Variants in GLT6D1 observed in about 807,000 individuals in gnomAD.
GLT6D1 encodes glycosyltransferase 6 domain containing 1.
In GLT6D1, 9 loss-of-function variants were observed where a neutral mutation model predicts 12.3. That is an observed-to-expected ratio of 0.73 (90% confidence interval 0.44 to 1.27). The LOEUF is 1.27. GLT6D1 is among the 50% of genes most tolerant of loss of function. GLT6D1 has a pLI of 0.00. For missense variants in GLT6D1, 335 were observed against 346.2 expected (o/e 0.97, Z 0.26); for synonymous variants, 128 against 132.3 (o/e 0.97, Z 0.23).
rs17040344 is a variant in GLT6D1 at position 135,624,273 on chromosome 9, G to A, written c.655C>T (p.Pro219Ser). ...TAATAGAAATCTCCCTGTCCAAACGGGATGCAAGCTGCTGAGGTCGGCCTC... is the reference window on the plus strand; with the variant it reads ...TAATAGAAATCTCCCTGTCCAAACGAGATGCAAGCTGCTGAGGTCGGCCTC... ...ERRPTSAACIPFGQGDFYYGN... is the reference protein window; with the variant it reads ...ERRPTSAACISFGQGDFYYGN... The change falls in exon 5 of 5, where the codon CCG becomes TCG. Residue 219 changes from proline to serine, a missense_variant. By Grantham distance (74) the Pro-to-Ser change is moderately conservative (BLOSUM62 -1). Coordinates refer to ENST00000371763, the MANE Select transcript of GLT6D1 (RefSeq NM_182974.3). 0.071 allele frequency: 113,469 copies of A among 1,603,422 alleles called. 4,466 individuals carry two copies. Among genetic ancestry groups the A allele is most frequent in the Middle Eastern group, 0.08 (478 of 5,998 alleles).
rs760928947 is a variant in GLT6D1, at chr9:135,626,135, C to T, written c.191G>A (p.Arg64Gln). The T allele has an allele frequency of 5.0e-6, 8 of 1,614,088 alleles. No individual in the cohort carries two copies. The highest frequency in any genetic ancestry group is 2.2e-5 in the East Asian group (1 of 44,884). Reference protein sequence around the residue: ...PVLWEGTFDRRVLEKHYRRRN... With the variant: ...PVLWEGTFDRQVLEKHYRRRN... ...CCTTCTGTAATGTTTTTCCAGGACC[C>T]GCCTGTCGAAAGTCCCTTCCCATAG... Residue 64 changes from arginine (R) to glutamine (Q), a missense_variant, in exon 4 of 5, where the codon CGG becomes CAG. Arg to Gln is a conservative substitution (Grantham distance 43). Coordinates refer to ENST00000371763, the MANE Select transcript of GLT6D1 (RefSeq NM_182974.3).
intron 2 of GLT6D1, among the ~76,000 whole-genome samples, chr9:135,633,537 G>C (rs1833697062): frequency 6.6e-6 from 1 of 152,138 alleles, no homozygotes; most frequent in Non-Finnish European, 1.5e-5. Flanking sequence ...CTACAGGTAT[G>C]AGCTACCACA....
At chr9:135,633,126 C>T (rs373276267) in intron 2 of GLT6D1, among the ~76,000 whole-genome samples, 271 of 152,320 alleles carry the variant, frequency 1.8e-3, no homozygotes, top group African/African-American at 5.6e-3. Flanking sequence ...TTTGGTTTGC[C>T]GTTTCCCCTG....
intron 2 of GLT6D1, among the ~76,000 whole-genome samples, chr9:135,637,710 A>G (rs1588207225): frequency 6.6e-6 from 1 of 152,240 alleles, no homozygotes; most frequent in East Asian, 1.9e-4. Flanking sequence ...GATTCTATTC[A>G]GTTCTTTTGC....
At chr9:135,635,534 C>G (rs1282472096) in intron 2 of GLT6D1, among the ~76,000 whole-genome samples, 2 of 151,628 alleles carry the variant, frequency 1.3e-5, no homozygotes, top group Non-Finnish European at 2.9e-5. Flanking sequence ...GAAACAAGAT[C>G]TGTTGCTTTC....
Position 135,624,574 on chromosome 9 carries a change from G to T in GLT6D1, c.354C>A (p.Phe118Leu), listed in dbSNP as rs200428393. ...TGGGCTCTATGTCAGGCAGCTTGAA[G>T]AAGGCGTCCACCATGATGTAGAAGA... ...RVIFYIMVDA[F>L]FKLPDIEPSP... Residue 118 changes from phenylalanine to leucine, a missense_variant, in exon 5 of 5, where the codon TTC becomes TTA. By Grantham distance (22) the Phe-to-Leu change is conservative. Transcript: ENST00000371763. 1.8e-4 allele frequency: 288 copies of T among 1,613,778 alleles called. No homozygotes were observed. The African/African-American group carries it at 3.5e-3, about 19-fold the overall frequency.
At position 135,626,136 on chromosome 9, in the gene GLT6D1, G is replaced by A. The variant is rs375417603; in HGVS notation, c.190C>T (p.Arg64Trp). ...PVLWEGTFDRRVLEKHYRRRN... is the reference protein window; with the variant it reads ...PVLWEGTFDRWVLEKHYRRRN... ...CTTCTGTAATGTTTTTCCAGGACCC[G>A]CCTGTCGAAAGTCCCTTCCCATAGG... Residue 64 changes from arginine to tryptophan, a missense_variant, in exon 4 of 5, where the codon CGG becomes TGG. Arg to Trp is a moderately radical substitution (Grantham distance 101). Transcript: ENST00000371763. 1.1e-4 allele frequency: 177 copies of A among 1,614,008 alleles called. No individual in the cohort carries two copies. The African/African-American group carries it at 1.4e-3, about 13-fold the overall frequency.
At chr9:135,634,955 G>T (rs111388300) in intron 2 of GLT6D1, among the ~76,000 whole-genome samples, 4 of 152,172 alleles carry the variant, frequency 2.6e-5, no homozygotes, top group African/African-American at 4.8e-5. Context: ...ATAAGAAAGC[G>T]CTGCGCGCAA....
At chr9:135,635,333 C>T (rs970316997) in intron 2 of GLT6D1, among the ~76,000 whole-genome samples, 1 of 152,208 alleles carries the variant, frequency 6.6e-6, no homozygotes, top group African/African-American at 2.4e-5. Context: ...AAAATCCCTT[C>T]CATCCCTCCT....
rs1280917777 is a variant in GLT6D1, at chr9:135,624,628, A to T, written c.300T>A (p.Asn100Lys). 1 of 1,607,450 alleles carries T rather than the reference A, an allele frequency of 6.2e-7. No individual in the cohort carries two copies. Among genetic ancestry groups the T allele is most frequent in the East Asian group, 2.2e-5 (1 of 44,662 alleles). The change falls in exon 5 of 5, where the codon AAT becomes AAA. Residue 100 changes from asparagine to lysine, a missense_variant. Transcript: ENST00000371763. ...EYLRPFLHSA[N>K]KHFMTGYRVI... Reference sequence around the variant, plus strand: ...CTCGGTAGCCTGTCATGAAGTGCTTATTTGCGGAGTGTAGGAACGGCCTCA... The same window carrying T: ...CTCGGTAGCCTGTCATGAAGTGCTTTTTTGCGGAGTGTAGGAACGGCCTCA...
chr9:135,631,471 G>C lies in GLT6D1; in HGVS notation c.79C>G (p.Gln27Glu), dbSNP rs774582482. Residue 27 changes from glutamine to glutamate, a missense_variant, in exon 3 of 5, where the codon CAA becomes GAA. Physicochemically the swap from Gln to Glu is conservative, Grantham distance 29. Transcript: ENST00000371763. Reference sequence around the variant, plus strand: ...TCTGAGAGCCGAAGTTCTTCTACTTGGTGATTCCTGGATACAAAGAGAAAA... The same window carrying C: ...TCTGAGAGCCGAAGTTCTTCTACTTCGTGATTCCTGGATACAAAGAGAAAA... Reference protein sequence around the residue: ...MLVERYFRNHQVEELRLSDWF... With the variant: ...MLVERYFRNHEVEELRLSDWF... The C allele has an allele frequency of 6.2e-7, 1 of 1,609,880 alleles. No homozygotes were observed. Among genetic ancestry groups the C allele is most frequent in the East Asian group, 2.2e-5 (1 of 44,840 alleles).
At position 135,639,453 on chromosome 9, in the gene GLT6D1, A is replaced by G. The variant is rs1217743322; in HGVS notation, c.-167T>C. 3.3e-6 allele frequency: 1 copy of G among 304,766 alleles called. No individual in the cohort carries two copies. Among genetic ancestry groups the G allele is most frequent in the African/African-American group, 2.2e-5 (1 of 46,108 alleles). The allele number at this position is 304,766 out of a possible 1,614,324, so 18.9% of individuals were successfully genotyped here. ...TCACATCAAAGTCTGCGTTGATTGCATGAAAGAAACGCAATAAATCTCTCC... is the reference window on the plus strand; with the variant it reads ...TCACATCAAAGTCTGCGTTGATTGCGTGAAAGAAACGCAATAAATCTCTCC... On this transcript the variant is annotated 5_prime_UTR_variant, in exon 1 of 5. An upstream start codon of the reference 5' UTR is lost. Coordinates refer to ENST00000371763, the MANE Select transcript of GLT6D1 (RefSeq NM_182974.3).
At chr9:135,636,125 C>T (rs1202077546) in intron 2 of GLT6D1, among the ~76,000 whole-genome samples, 1 of 152,138 alleles carries the variant, frequency 6.6e-6, no homozygotes, top group African/African-American at 2.4e-5. Flanking sequence ...GAGGCTGTGG[C>T]AGGCGGATCA....
At position 135,639,192 on chromosome 9, in the gene GLT6D1, T is replaced by C. The variant is rs1004841027; in HGVS notation, c.-5A>G. 1 of 1,536,488 alleles carries C rather than the reference T, an allele frequency of 6.5e-7. No homozygotes were observed. On this transcript the variant is annotated splice_region_variant and 5_prime_UTR_variant, in exon 2 of 5. Transcript: ENST00000371763. Reference sequence around the variant, plus strand: ...CAGCATTCTTTTAGAATTCATTCTCTCCTAGGGAAAGAAGGAGAAAAAATT... The same window carrying C: ...CAGCATTCTTTTAGAATTCATTCTCCCCTAGGGAAAGAAGGAGAAAAAATT...
intron 2 of GLT6D1, among the ~76,000 whole-genome samples, chr9:135,636,287 G>A (rs1341727678): frequency 6.6e-6 from 1 of 152,208 alleles, no homozygotes; most frequent in Admixed American, 6.5e-5. Flanking sequence ...CAAGGAGGCA[G>A]AAGTTGTGGT....
chr9:135,636,259 C>T (rs537088513), intron 2 of GLT6D1, among the ~76,000 whole-genome samples: 66 of 152,176 alleles, frequency 4.3e-4, no homozygotes, highest in Non-Finnish European at 5.7e-4. Context: ...GAGGCTGAGG[C>T]AGGAGAATCG....
chr9:135,631,574 G>A, intron 2 of GLT6D1, 96 bp from the exon 3 acceptor site: 3 of 894,318 alleles, frequency 3.4e-6, no homozygotes, highest in Non-Finnish European at 5.7e-6. Flanking sequence ...TCGTCAACAT[G>A]CATCAACCCA....
At chr9:135,637,018 A>T (rs1468728130) in intron 2 of GLT6D1, among the ~76,000 whole-genome samples, 3 of 151,754 alleles carry the variant, frequency 2.0e-5, no homozygotes, top group African/African-American at 7.3e-5. Flanking sequence ...ATGCCCAGGT[A>T]ATTTTGTATT....
At chr9:135,635,733 C>T (rs139675049) in intron 2 of GLT6D1, among the ~76,000 whole-genome samples, 8 of 152,340 alleles carry the variant, frequency 5.3e-5, no homozygotes, top group Non-Finnish European at 1.2e-4. Context: ...AGACACTAAC[C>T]TGTGCGTATT....
Sources: gnomAD v4.1 joint callset for allele counts (sites outside exome capture counted in the v4.1 genomes callset) on GRCh38, gnomAD v4.1.1 for gene constraint, MANE v1.5 for transcripts, NCBI Gene and HGNC (gene_info 2026-07-23, HGNC 2026-07-21) for gene names.